The following RSRC1 variants were observed in gnomAD, a reference collection of about 807,000 sequenced individuals.
RSRC1 encodes the protein serine/Arginine-related protein 53.
A neutral mutation model predicts 49.1 loss-of-function variants in RSRC1; 39 were observed. The observed-to-expected ratio is 0.79, with a 90% CI of 0.61 to 1.04. The LOEUF (loss-of-function observed/expected upper bound fraction) is 1.04, where lower values mean the gene tolerates loss of function less well. Among genes scored for constraint, RSRC1 ranks in the 50% least tolerant of loss-of-function variants. The pLI, the probability that RSRC1 is intolerant of heterozygous loss-of-function variation, is 0.00. For synonymous variants in RSRC1, 143 were observed against 130.8 expected, an observed-to-expected ratio of 1.09 and a Z score of -0.63; for missense variants, 388 against 402.4, an observed-to-expected ratio of 0.96 and a Z score of 0.31.
intron 7 of RSRC1, among the ~76,000 whole-genome samples, chr3:158,533,298 C>CA (rs758277162): frequency 3.1e-4 from 47 of 151,798 alleles, no homozygotes; most frequent in Admixed American, 1.1e-3. Flanking sequence ...GGTGTATTTT[C>CA]ATATTGTGAG....
intron 4 of RSRC1, among the ~76,000 whole-genome samples, chr3:158,266,670 C>G (rs1468511266): frequency 6.6e-6 from 1 of 152,120 alleles, no homozygotes; most frequent in African/African-American, 2.4e-5. Context: ...TAAAATGCAT[C>G]TTTAGTTTAT....
intron 6 of RSRC1, among the ~76,000 whole-genome samples, chr3:158,417,341 T>G (rs1225603484): frequency 6.6e-6 from 1 of 152,072 alleles, no homozygotes. Flanking sequence ...TCTGACAGCA[T>G]TTTATTTATG....
chr3:158,176,448 CAG>C (rs1255146707), intron 3 of RSRC1, among the ~76,000 whole-genome samples: 4 of 152,154 alleles, frequency 2.6e-5, no homozygotes, highest in African/African-American at 4.8e-5. Context: ...GGTACCAAAA[CAG>C]AGATATAGAT....
rs895395114 is a variant in RSRC1 at position 158,122,131 on chromosome 3, A to T, written c.27A>T (p.Glu9Asp). ...TGGGACGTCGGTCATCAGATACTGA[A>T]GAAGAAAGCAGAAGCAAGAGAAAAA... MGRRSSDT[E>D]EESRSKRKKK... The change falls in exon 2 of 10, where the codon GAA becomes GAT. Residue 9 changes from glutamate (E) to aspartate (D), a missense_variant. By Grantham distance (45) the Glu-to-Asp change is conservative. Transcript: ENST00000611884. 16 of 1,549,734 alleles carry T rather than the reference A, an allele frequency of 1.0e-5. No individual in the cohort carries two copies. The highest frequency in any genetic ancestry group is 1.1e-5 in the Non-Finnish European group (13 of 1,150,028).
chr3:158,165,167 AC>A (rs1718462061), intron 3 of RSRC1, among the ~76,000 whole-genome samples: 1 of 152,204 alleles, frequency 6.6e-6, no homozygotes, highest in African/African-American at 2.4e-5. Context: ...ATTAATTAGA[AC>A]CATAACTATT....
intron 3 of RSRC1, among the ~76,000 whole-genome samples, chr3:158,195,849 T>C (rs372096905): frequency 0.076 from 11,488 of 151,976 alleles, 516 homozygotes; most frequent in South Asian, 0.12. Flanking sequence ...TCTGTTCCAT[T>C]GATCTATATC....
At chr3:158,288,771 T>C (rs935827506) in intron 4 of RSRC1, among the ~76,000 whole-genome samples, 8 of 151,028 alleles carry the variant, frequency 5.3e-5, no homozygotes, top group African/African-American at 2.0e-4. Context: ...TTTTACAGTA[T>C]TGTTTAGGGA....
At chr3:158,323,317 G>A (rs888887820) in intron 5 of RSRC1, among the ~76,000 whole-genome samples, 1 of 152,070 alleles carries the variant, frequency 6.6e-6, no homozygotes, top group African/African-American at 2.4e-5. Context: ...TGTCTGTGTA[G>A]TTTAATGGTT....
chr3:158,375,534 G>T (rs1732314352), intron 6 of RSRC1, among the ~76,000 whole-genome samples: 1 of 151,938 alleles, frequency 6.6e-6, no homozygotes, highest in African/African-American at 2.4e-5. Flanking sequence ...GATTATTTCT[G>T]CTTTTAAAAT....
At chr3:158,120,080 C>T (rs897894450) in intron 1 of RSRC1, among the ~76,000 whole-genome samples, 5 of 152,116 alleles carry the variant, frequency 3.3e-5, no homozygotes, top group African/African-American at 1.2e-4. Flanking sequence ...CCGCCCGCCT[C>T]GGCCTCCCAA....
chr3:158,189,074 C>T (rs2108261960), intron 3 of RSRC1, among the ~76,000 whole-genome samples: 1 of 151,766 alleles, frequency 6.6e-6, no homozygotes, highest in East Asian at 1.9e-4. Flanking sequence ...TTCTTCTTTC[C>T]CATGGGATAT....
At chr3:158,181,415 A>G (rs866694645) in intron 3 of RSRC1, among the ~76,000 whole-genome samples, 4 of 152,194 alleles carry the variant, frequency 2.6e-5, no homozygotes, top group African/African-American at 4.8e-5. Context: ...GTGTGATGGC[A>G]TTTATCCCAG....
intron 4 of RSRC1, among the ~76,000 whole-genome samples, chr3:158,231,063 C>T (rs1035330073): frequency 6.7e-6 from 1 of 149,164 alleles, no homozygotes; most frequent in Non-Finnish European, 1.5e-5. Context: ...TATAGAAATG[C>T]TTTCCTGTAG....
At chr3:158,259,663 G>A (rs928169937) in intron 4 of RSRC1, among the ~76,000 whole-genome samples, 8 of 152,158 alleles carry the variant, frequency 5.3e-5, no homozygotes, top group African/African-American at 1.9e-4. Flanking sequence ...TCTTTTCAGG[G>A]CAGCGAGTTC....
intron 7 of RSRC1, among the ~76,000 whole-genome samples, chr3:158,499,526 T>G (rs1739498615): frequency 6.6e-6 from 1 of 152,172 alleles, no homozygotes. Flanking sequence ...GGGATGTGTT[T>G]CCATTTGTTT....
intron 6 of RSRC1, among the ~76,000 whole-genome samples, chr3:158,370,794 T>C (rs1362883810): frequency 6.6e-6 from 1 of 151,866 alleles, no homozygotes; most frequent in Non-Finnish European, 1.5e-5. Flanking sequence ...GGAAGAAGAA[T>C]GGAGTTGGAA....
intron 5 of RSRC1, among the ~76,000 whole-genome samples, chr3:158,313,422 T>A (rs73168713): frequency 0.12 from 18,507 of 152,230 alleles, 1,382 homozygotes; most frequent in Middle Eastern, 0.2. Context: ...TTAATATGTG[T>A]CTCTCATCAT....
intron 6 of RSRC1, among the ~76,000 whole-genome samples, chr3:158,383,759 GAC>G (rs1482034314): frequency 2.0e-5 from 3 of 152,038 alleles, no homozygotes; most frequent in Admixed American, 1.3e-4. Context: ...AAATTTGAAA[GAC>G]AGTATACAAG....
chr3:158,516,891 A>T (rs915540711), intron 7 of RSRC1, among the ~76,000 whole-genome samples: 11 of 152,200 alleles, frequency 7.2e-5, no homozygotes, highest in Non-Finnish European at 1.5e-4. Context: ...TTCTTTGACT[A>T]GGAAACGGAA....
Sources: allele counts gnomAD v4.1 joint callset (sites outside exome capture counted in the v4.1 genomes callset), GRCh38; gene constraint gnomAD v4.1.1; transcripts MANE v1.5; gene names NCBI Gene and HGNC (gene_info 2026-07-23, HGNC 2026-07-21).